The following MYO1C variants were observed in gnomAD, a reference collection of about 807,000 sequenced individuals.
MYO1C encodes the protein myosin IC, also known as unconventional myosin-Ic.
In MYO1C, 104 loss-of-function variants were observed where a neutral mutation model predicts 150.8. The ratio of observed to expected loss-of-function variants is 0.69; its 90% CI spans 0.59 to 0.81. MYO1C has a LOEUF of 0.81. Among genes scored for constraint, MYO1C ranks in the 30% least tolerant of loss-of-function variants. The probability of loss-of-function intolerance (pLI) is 0.00; values close to 1 mark genes in which losing one functional copy is unlikely to be tolerated. For missense variants in MYO1C, 1,504 were observed against 1,435.0 expected (o/e 1.05, Z -0.78); for synonymous variants, 663 against 579.9 (o/e 1.14, Z -2.06).
At chr17:1,484,451 TGGGTGCTGAGGGC>T in intron 1 of MYO1C, 148 bp from the exon 2 acceptor site, 2 of 498,754 alleles carry the variant, frequency 4.0e-6, no homozygotes, top group Non-Finnish European at 6.3e-6. Flanking sequence ...GCGGGGGGCC[TGGGTGCTGAGGGC>T]CTGGGTGTGG....
intron 17 of MYO1C, 91 bp from the exon 18 acceptor site, chr17:1,472,319 G>A (rs753595737): frequency 3.6e-5 from 39 of 1,075,608 alleles, no homozygotes; most frequent in Non-Finnish European, 5.3e-5. Flanking sequence ...GGCTGGTGAC[G>A]CGCGCAGCAG....
In MYO1C at chr17:1,477,510, G is replaced by T; in HGVS notation, c.1569C>A (p.Phe523Leu). 4 of 1,613,654 alleles carry T rather than the reference G, an allele frequency of 2.5e-6. No individual in the cohort carries two copies. The highest frequency in any genetic ancestry group is 3.4e-6 in the Non-Finnish European group (4 of 1,179,968). Residue 523 changes from phenylalanine (F) to leucine (L), a missense_variant, in exon 14 of 32, where the codon TTC (phenylalanine) becomes TTA (leucine). Coordinates refer to ENST00000648651, the MANE Select transcript of MYO1C (RefSeq NM_001080779.2). ...AGCCCCGCAGCCCCACTCACGTCAG[G>T]AAGTGTGGATGGTGCTTGACAGTAT... ...LEDTVKHHPHFLTHKLADQRT... is the reference protein window; with the variant it reads ...LEDTVKHHPHLLTHKLADQRT...
At chr17:1,489,413 A>C (rs7501971) in intron 1 of MYO1C, among the ~76,000 whole-genome samples, 1 of 152,196 alleles carries the variant, frequency 6.6e-6, no homozygotes, top group Non-Finnish European at 1.5e-5. Context: ...AGTGGCTCAC[A>C]CCTGTAACCC....
At chr17:1,487,463 C>G (rs960818866) in intron 1 of MYO1C, among the ~76,000 whole-genome samples, 1 of 152,324 alleles carries the variant, frequency 6.6e-6, no homozygotes, top group South Asian at 2.1e-4. Context: ...GGGGAAGGCT[C>G]GTCACTGCAA....
chr17:1,483,152 G>T, intron 3 of MYO1C, 93 bp from the exon 4 acceptor site: 2 of 1,291,288 alleles, frequency 1.5e-6, no homozygotes, highest in Non-Finnish European at 2.1e-6. Flanking sequence ...GTCCTCTTGT[G>T]GGAGTCGAAT....
rs199975370 is a variant in MYO1C at position 1,480,614 on chromosome 17, G to A, written c.819C>T (p.Ala273=). Residue 273 remains alanine (A), a synonymous_variant, in exon 7 of 32, where the codon GCC becomes GCT. Coordinates refer to ENST00000648651, the MANE Select transcript of MYO1C (RefSeq NM_001080779.2). The stretch of plus-strand genomic sequence containing the variant: ...TCTTGTCGTTGATGGAGGAGACTTT[G>A]GCACACTGGCCCTGGAGGAAGGGCA... The part of the protein sequence containing the change: ...SYLYLVKGQC[A]KVSSINDKSD... 204 of 1,614,018 alleles carry A rather than the reference G, an allele frequency of 1.3e-4. No homozygotes were observed. The highest frequency in any genetic ancestry group is 1.7e-4 in the Non-Finnish European group (199 of 1,180,034).
At position 1,477,973 on chromosome 17, in the gene MYO1C, T is replaced by C. The variant is rs756986598; in HGVS notation, c.1402-2A>G. On this transcript the variant is annotated splice_acceptor_variant, in intron 12 of 31. Transcript: ENST00000648651. LOFTEE classifies it high-confidence loss of function. ...GTTGAAATACTGGACGGGCTCCCAC[T>C]GAGGGGCAGAAGGGAAGGAAGGGAT... 6.2e-7 allele frequency: 1 copy of C among 1,614,092 alleles called. No homozygotes were observed. The highest frequency in any genetic ancestry group is 8.5e-7 in the Non-Finnish European group (1 of 1,179,960).
Position 1,484,310 on chromosome 17 carries a change from A to G in MYO1C, c.76-7T>C. 6.2e-7 allele frequency: 1 copy of G among 1,608,592 alleles called. No individual in the cohort carries two copies. Among genetic ancestry groups the G allele is most frequent in the South Asian group, 1.1e-5 (1 of 91,082 alleles). On this transcript the variant is annotated splice_polypyrimidine_tract_variant and splice_region_variant and intron_variant, in intron 1 of 31. Transcript: ENST00000648651. ...CCCCGTCACTGCCCAGGGCCTGCAGAGAATGGGCCACAGAAGAGGGTCAGA... is the reference window on the plus strand; with the variant it reads ...CCCCGTCACTGCCCAGGGCCTGCAGGGAATGGGCCACAGAAGAGGGTCAGA...
At chr17:1,485,371 C>T (rs2150965412) in intron 1 of MYO1C, 11 of 156,120 alleles carry the variant, frequency 7.0e-5, no homozygotes, top group Non-Finnish European at 7.5e-5. Context: ...CGGGGGCCTG[C>T]CCCTCCCAGG....
In MYO1C at chr17:1,480,889, T is replaced by C. The variant is rs2074506827; in HGVS notation, c.628-4A>G. Reference sequence around the variant, plus strand: ...TGTGGCCACCCACGGGGGCACCCTGTGGGCAGGGCAGGGCATGAGGCCGGG... The same window carrying C: ...TGTGGCCACCCACGGGGGCACCCTGCGGGCAGGGCAGGGCATGAGGCCGGG... On this transcript the variant is annotated splice_region_variant and splice_polypyrimidine_tract_variant and intron_variant, in intron 5 of 31. Transcript: ENST00000648651. 1 of 1,613,632 alleles carries C rather than the reference T, an allele frequency of 6.2e-7. No individual in the cohort carries two copies. The highest frequency in any genetic ancestry group is 2.2e-5 in the East Asian group (1 of 44,888).
intron 21 of MYO1C, 75 bp downstream of exon 21, chr17:1,470,996 A>C: frequency 6.8e-7 from 1 of 1,466,778 alleles, no homozygotes; most frequent in Non-Finnish European, 9.5e-7. Context: ...TCCCTGGAGA[A>C]GGAGCCCAAG....
chr17:1,471,114 C>G lies in MYO1C; in HGVS notation c.2169G>C (p.Leu723=). The G allele has an allele frequency of 2.5e-6, 4 of 1,614,198 alleles. No homozygotes were observed. Among genetic ancestry groups the G allele is most frequent in the Non-Finnish European group, 3.4e-6 (4 of 1,180,020 alleles). ...TKIFIRFPKT[L]FATEDALEVR... is the part of the protein sequence containing the mutation. ...CCTCCAGGGCATCCTCTGTGGCAAA[C>G]AGGGTCTTGGGGAAGCGGATGAAGA... The change falls in exon 21 of 32, where the codon CTG becomes CTC. Residue 723 remains leucine, a synonymous_variant. Coordinates refer to ENST00000648651, the MANE Select transcript of MYO1C (RefSeq NM_001080779.2).
Position 1,482,900 on chromosome 17 carries a change from G to C in MYO1C, c.507C>G (p.Ala169=). The change falls in exon 4 of 32, where the codon GCC becomes GCG. Residue 169 remains alanine (A), a synonymous_variant. Coordinates refer to ENST00000648651, the MANE Select transcript of MYO1C (RefSeq NM_001080779.2). ...ETCPAPERGG[A]VRDRLLQSNP... ...TGCTCTGTAGCAGCCGGTCCCGCACGGCACCTCCGCGCTCGGGGGCTGGGC... is the reference window on the plus strand; with the variant it reads ...TGCTCTGTAGCAGCCGGTCCCGCACCGCACCTCCGCGCTCGGGGGCTGGGC... 7.6e-7 allele frequency: 1 copy of C among 1,322,528 alleles called. No individual in the cohort carries two copies. The highest frequency in any genetic ancestry group is 9.9e-7 in the Non-Finnish European group (1 of 1,006,348). 81.9% of individuals were successfully genotyped at this position (1,322,528 alleles called of 1,614,324 possible).
At chr17:1,483,589 G>A (rs200068102) in intron 3 of MYO1C, 21 bp downstream of exon 3, 32 of 1,577,656 alleles carry the variant, frequency 2.0e-5, no homozygotes, top group Admixed American at 1.6e-4. Context: ...GGTCGCTCCC[G>A]GAGGGGCTGG....
At chr17:1,467,628 A>AACCCCCCCCCCCC in intron 29 of MYO1C, 51 bp from the exon 30 acceptor site, 1 of 1,516,906 alleles carries the variant, frequency 6.6e-7, no homozygotes, top group Admixed American at 1.8e-5. Context: ...AACTTGAGGA[A>AACCCCCCCCCCCC]CCCCCGCCCC....
At chr17:1,484,672 G>A in intron 1 of MYO1C, 1 of 434,108 alleles carries the variant, frequency 2.3e-6, no homozygotes, top group Non-Finnish European at 4.3e-6. Flanking sequence ...GTCACAAGAA[G>A]GAACTCCTTG....
chr17:1,476,246 T>C (rs1172998371), intron 14 of MYO1C, among the ~76,000 whole-genome samples: 3 of 151,518 alleles, frequency 2.0e-5, no homozygotes. Context: ...TGGCACCATC[T>C]CAGCTCACTG....
Position 1,479,485 on chromosome 17 carries a change from G to C in MYO1C, c.1038C>G (p.Gly346=). Residue 346 remains glycine (G), a synonymous_variant, in exon 9 of 32, where the codon GGC becomes GGG. Transcript: ENST00000648651. This position sits in a 1 kb window ranked among gnomAD's most constrained non-coding sequence, Gnocchi z 4.2. ...GTGTCAGGGCTTCTCGCAGCGTCGA[G>C]CCTTCCACGCTGAGGAGCTGCCAAG... ...KYLTRLLSVE[G]STLREALTHR... 6.6e-7 allele frequency: 1 copy of C among 1,516,790 alleles called. No individual in the cohort carries two copies. Among genetic ancestry groups the C allele is most frequent in the Non-Finnish European group, 9.0e-7 (1 of 1,116,076 alleles). 94.0% of individuals were successfully genotyped at this position (1,516,790 alleles called of 1,614,324 possible). A position where few individuals can be genotyped will look rare whatever the true frequency, so the allele number is the denominator to read the frequency against.
chr17:1,482,618 G>A lies in MYO1C; in HGVS notation c.547-60C>T, dbSNP rs188987191. On this transcript the variant is annotated intron_variant, in intron 4 of 31. Transcript: ENST00000648651. ...ACTCTCCCCCTGCCCTCCCCACCCC[G>A]CCTTGTAGCTACTGCTGCCCCTCCC... 2,934 of 899,934 alleles carry A rather than the reference G, an allele frequency of 3.3e-3. 62 individuals carry two copies. The African/African-American group carries it at 0.083, about 26-fold the overall frequency. 55.7% of individuals were successfully genotyped at this position (899,934 alleles called of 1,614,324 possible). A position where few individuals can be genotyped will look rare whatever the true frequency, so the allele number is the denominator to read the frequency against.
Sources: allele counts gnomAD v4.1 joint callset (sites outside exome capture counted in the v4.1 genomes callset), GRCh38; gene constraint gnomAD v4.1.1; non-coding constraint Gnocchi (gnomAD v3.1); transcripts MANE v1.5; gene names NCBI Gene and HGNC (gene_info 2026-07-23, HGNC 2026-07-21).